The following ST3GAL2 variants were observed in gnomAD, a reference collection of about 807,000 sequenced individuals.
ST3GAL2 encodes ST3 beta-galactoside alpha-2,3-sialyltransferase 2.
A neutral mutation model predicts 37.5 loss-of-function variants in ST3GAL2; 16 were observed. That is an observed-to-expected ratio of 0.43 (90% confidence interval 0.29 to 0.65). The LOEUF (loss-of-function observed/expected upper bound fraction) is 0.65, where lower values mean the gene tolerates loss of function less well. Ranked by LOEUF, ST3GAL2 falls within the 30% of genes least tolerant of loss-of-function variation. The probability of loss-of-function intolerance (pLI) is 0.17; values close to 1 mark genes in which losing one functional copy is unlikely to be tolerated. For synonymous variants in ST3GAL2, 238 were observed against 202.9 expected, an observed-to-expected ratio of 1.17 and a Z score of -1.47; for missense variants, 383 against 487.8, an observed-to-expected ratio of 0.79 and a Z score of 2.02.
rs1221400742 is a variant in ST3GAL2 at position 70,378,551 on chromosome 16, A to G, written c.*3138T>C. ...CCCCGTCTCTACTAAAAATACAAAAAAACTGCCGGGCATCGTGGCGGTCAC... is the reference window on the plus strand; with the variant it reads ...CCCCGTCTCTACTAAAAATACAAAAGAACTGCCGGGCATCGTGGCGGTCAC... On this transcript the variant is annotated 3_prime_UTR_variant, in exon 7 of 7. Transcript: ENST00000342907. 6.6e-6 allele frequency: 1 copy of G among 150,868 alleles called. No individual in the cohort carries two copies. Among genetic ancestry groups the G allele is most frequent in the Non-Finnish European group, 1.5e-5 (1 of 67,898 alleles). 9.3% of individuals were successfully genotyped at this position (150,868 alleles called of 1,614,324 possible).
At chr16:70,391,109 C>T (rs1224897034) in intron 3 of ST3GAL2, among the ~76,000 whole-genome samples, 2 of 152,198 alleles carry the variant, frequency 1.3e-5, no homozygotes, top group Admixed American at 6.5e-5. Context: ...TGGGTGAGGA[C>T]TTGCTGTGTT....
intron 3 of ST3GAL2, among the ~76,000 whole-genome samples, chr16:70,393,233 A>C (rs2047493707): frequency 6.6e-6 from 1 of 151,774 alleles, no homozygotes; most frequent in Admixed American, 6.6e-5. Context: ...ACCCACCACC[A>C]CGCCCAGCTA....
At chr16:70,433,694 T>A (rs979010561) in intron 1 of ST3GAL2, among the ~76,000 whole-genome samples, 1 of 152,208 alleles carries the variant, frequency 6.6e-6, no homozygotes, top group African/African-American at 2.4e-5. Context: ...TGGTTCCTGC[T>A]GCACCCACTC....
chr16:70,423,674 ATTTT>A (rs60635060), intron 1 of ST3GAL2, among the ~76,000 whole-genome samples: 1 of 128,020 alleles, frequency 7.8e-6, no homozygotes. Context: ...TGACTCAATG[ATTTT>A]TTTTTTTTTT....
rs187068889 is a variant in ST3GAL2 at position 70,431,972 on chromosome 16, T to A, written c.-1004+6977A>T. Among the ~76,000 whole-genome samples the A allele has an allele frequency of 9.4e-3, 1,266 of 135,020 alleles. 8 individuals are homozygous for A. The highest frequency in any genetic ancestry group is 0.014 in the African/African-American group (366 of 26,216). The allele number at this position is 135,020 out of a possible 152,430, so 88.6% of individuals were successfully genotyped here. ...GAGCGAGACTCCGTCTTAAAAAAAA[T>A]ATATATATATATATTTTTTTTTAAC... On this transcript the variant is annotated intron_variant, in intron 1 of 6. Coordinates refer to ENST00000342907, the MANE Select transcript of ST3GAL2 (RefSeq NM_006927.4).
At chr16:70,419,689 G>T (rs1343877926) in intron 1 of ST3GAL2, among the ~76,000 whole-genome samples, 1 of 152,226 alleles carries the variant, frequency 6.6e-6, no homozygotes, top group African/African-American at 2.4e-5. Context: ...GGCGGCCAGA[G>T]GTCAGAGCAG....
intron 2 of ST3GAL2, among the ~76,000 whole-genome samples, chr16:70,395,947 T>C (rs2151662510): frequency 6.6e-6 from 1 of 151,748 alleles, no homozygotes; most frequent in African/African-American, 2.4e-5. Flanking sequence ...AAGGATTTCA[T>C]ATGAAACAAG....
At chr16:70,428,128 G>C (rs969098549) in intron 1 of ST3GAL2, among the ~76,000 whole-genome samples, 2 of 152,204 alleles carry the variant, frequency 1.3e-5, no homozygotes, top group African/African-American at 4.8e-5. Context: ...CACAGCCCTG[G>C]CACCACTCCT....
intron 1 of ST3GAL2, among the ~76,000 whole-genome samples, chr16:70,435,082 C>G (rs1285589910): frequency 6.6e-6 from 1 of 152,198 alleles, no homozygotes; most frequent in Non-Finnish European, 1.5e-5. Flanking sequence ...CCCGGTTCAG[C>G]AATTTGCTTC....
At chr16:70,385,682 T>C (rs554499745) in intron 4 of ST3GAL2, among the ~76,000 whole-genome samples, 1 of 149,786 alleles carries the variant, frequency 6.7e-6, no homozygotes, top group African/African-American at 2.5e-5. Context: ...AACATGAAAA[T>C]GTTCCTTTTT....
At chr16:70,421,675 C>T (rs1004748215) in intron 1 of ST3GAL2, among the ~76,000 whole-genome samples, 9 of 152,272 alleles carry the variant, frequency 5.9e-5, no homozygotes, top group Admixed American at 2.0e-4. Context: ...GCCCAGGGCC[C>T]GCTTTCAAGC....
chr16:70,386,242 C>T (rs2047442522), intron 4 of ST3GAL2, among the ~76,000 whole-genome samples: 1 of 151,688 alleles, frequency 6.6e-6, no homozygotes, highest in East Asian at 2.0e-4. Flanking sequence ...GGCTGGAGTG[C>T]AGTGGCGCGA....
intron 1 of ST3GAL2, among the ~76,000 whole-genome samples, chr16:70,429,939 A>C (rs1184144249): frequency 6.6e-6 from 1 of 152,154 alleles, no homozygotes; most frequent in Admixed American, 6.5e-5. Flanking sequence ...CCCGGGTCAC[A>C]CAGCACCAAA....
At chr16:70,415,075 C>T (rs1228278033) in intron 1 of ST3GAL2, among the ~76,000 whole-genome samples, 1 of 152,058 alleles carries the variant, frequency 6.6e-6, no homozygotes, top group Non-Finnish European at 1.5e-5. Flanking sequence ...GGGGTTTCAC[C>T]GTGTTAGCCA....
chr16:70,383,591 G>A (rs2047421312), intron 4 of ST3GAL2, among the ~76,000 whole-genome samples: 1 of 150,828 alleles, frequency 6.6e-6, no homozygotes, highest in Non-Finnish European at 1.5e-5. Context: ...AGAGGGGTGG[G>A]GAGGGGAAGG....
intron 2 of ST3GAL2, 90 bp from the exon 3 acceptor site, chr16:70,395,265 A>G (rs2047507984): frequency 4.0e-6 from 5 of 1,241,868 alleles, no homozygotes; most frequent in Non-Finnish European, 5.6e-6. Flanking sequence ...TGCCCTCACT[A>G]TCCTGTGTCT....
Position 70,395,180 on chromosome 16 carries a change from G to T in ST3GAL2, c.340-5C>A. 6.3e-7 allele frequency: 1 copy of T among 1,589,008 alleles called. No homozygotes were observed. The highest frequency in any genetic ancestry group is 8.6e-7 in the Non-Finnish European group (1 of 1,166,288). Reference sequence around the variant, plus strand: ...CTTGAACTGGGGCTGCAGCATCTGTGGAAGGGAGGGGAAGATGGGAAACGA... The same window carrying T: ...CTTGAACTGGGGCTGCAGCATCTGTTGAAGGGAGGGGAAGATGGGAAACGA... On this transcript the variant is annotated splice_region_variant and splice_polypyrimidine_tract_variant and intron_variant, in intron 2 of 6. Coordinates refer to ENST00000342907, the MANE Select transcript of ST3GAL2 (RefSeq NM_006927.4).
At chr16:70,425,770 G>A (rs975290813) in intron 1 of ST3GAL2, among the ~76,000 whole-genome samples, 1 of 152,052 alleles carries the variant, frequency 6.6e-6, no homozygotes, top group Non-Finnish European at 1.5e-5. Context: ...GGGCTGCCCT[G>A]AACCTGCCTC....
chr16:70,433,613 T>C (rs2047805472), intron 1 of ST3GAL2, among the ~76,000 whole-genome samples: 1 of 152,006 alleles, frequency 6.6e-6, no homozygotes, highest in South Asian at 2.1e-4. Flanking sequence ...CAAGCAGTGA[T>C]GACAAAATGA....
Sources: allele counts gnomAD v4.1 joint callset (sites outside exome capture counted in the v4.1 genomes callset), GRCh38; gene constraint gnomAD v4.1.1; transcripts MANE v1.5; gene names NCBI Gene and HGNC (gene_info 2026-07-23, HGNC 2026-07-21).